Variants in ECT2L observed in about 807,000 individuals in gnomAD.
ECT2L encodes epithelial cell-transforming sequence 2 oncogene-like.
A neutral mutation model predicts 122.8 loss-of-function variants in ECT2L; 126 were observed. That is an observed-to-expected ratio of 1.03 (90% confidence interval 0.89 to 1.19). The LOEUF (loss-of-function observed/expected upper bound fraction) is 1.19, where lower values mean the gene tolerates loss of function less well. Among genes scored for constraint, ECT2L ranks in the 50% most tolerant of loss-of-function variants. The probability of loss-of-function intolerance (pLI) is 0.00; values close to 1 mark genes in which losing one functional copy is unlikely to be tolerated. For synonymous variants in ECT2L, 385 were observed against 381.8 expected (o/e 1.01, Z -0.10); for missense variants, 1,012 against 1,064.1 (o/e 0.95, Z 0.68).
chr6:138,860,709 T>A (rs796895455), intron 10 of ECT2L, among the ~76,000 whole-genome samples: 1 of 81,722 alleles, frequency 1.2e-5, no homozygotes, highest in Non-Finnish European at 3.6e-5. Context: ...AAGGGGCTAT[T>A]TTTTTTTTTT....
intron 20 of ECT2L, among the ~76,000 whole-genome samples, chr6:138,894,374 A>G (rs966053493): frequency 6.6e-6 from 1 of 152,216 alleles, no homozygotes; most frequent in African/African-American, 2.4e-5. Flanking sequence ...CAAGCTCTTT[A>G]CATGTGGACT....
chr6:138,808,590 T>C (rs1775786710), intron 1 of ECT2L, among the ~76,000 whole-genome samples: 1 of 152,204 alleles, frequency 6.6e-6, no homozygotes, highest in Non-Finnish European at 1.5e-5. Context: ...TTGATTTCTG[T>C]ACGTAAGCCT....
chr6:138,866,363 G>T (rs1778039136), intron 12 of ECT2L, among the ~76,000 whole-genome samples: 1 of 152,062 alleles, frequency 6.6e-6, no homozygotes, highest in African/African-American at 2.4e-5. Context: ...CTGTCACCCA[G>T]GCTGGGCCTC....
intron 10 of ECT2L, among the ~76,000 whole-genome samples, chr6:138,861,575 A>C (rs184809995): frequency 6.6e-6 from 1 of 150,796 alleles, no homozygotes; most frequent in African/African-American, 2.4e-5. Flanking sequence ...TTTGATGGGG[A>C]TTTTTTTTTC....
chr6:138,888,923 T>C lies in ECT2L; in HGVS notation c.2326-20T>C, dbSNP rs914574727. 1.8e-5 allele frequency: 24 copies of C among 1,350,956 alleles called. No individual in the cohort carries two copies. The highest frequency in any genetic ancestry group is 2.2e-5 in the Non-Finnish European group (22 of 1,017,190). The allele number at this position is 1,350,956 out of a possible 1,614,324, so 83.7% of individuals were successfully genotyped here. A position where few individuals can be genotyped will look rare whatever the true frequency, so the allele number is the denominator to read the frequency against. ...TAAAAAAATTTATATGTACTTCTAA[T>C]TTTGTTTTTGATTTTACAGACTCTA... On this transcript the variant is annotated intron_variant, in intron 19 of 21. Transcript: ENST00000541398.
At chr6:138,890,574 C>A (rs1778990232) in intron 20 of ECT2L, among the ~76,000 whole-genome samples, 1 of 132,278 alleles carries the variant, frequency 7.6e-6, no homozygotes, top group Non-Finnish European at 1.5e-5. Flanking sequence ...AGCTACCAAA[C>A]CAGCAATTCT....
intron 11 of ECT2L, among the ~76,000 whole-genome samples, chr6:138,863,036 TA>T (rs1483930763): frequency 6.6e-6 from 1 of 152,240 alleles, no homozygotes; most frequent in African/African-American, 2.4e-5. Flanking sequence ...CTTTTCTTAG[TA>T]ACATATATAT....
intron 5 of ECT2L, among the ~76,000 whole-genome samples, chr6:138,839,299 G>A (rs1776959582): frequency 6.6e-6 from 1 of 151,836 alleles, no homozygotes; most frequent in Admixed American, 6.6e-5. Context: ...CATTAATTCT[G>A]CCTCTGGCCT....
At chr6:138,836,099 A>G (rs534637897) in intron 4 of ECT2L, among the ~76,000 whole-genome samples, 3 of 152,230 alleles carry the variant, frequency 2.0e-5, no homozygotes, top group African/African-American at 7.2e-5. Context: ...GGGGCATAGC[A>G]TATCAATTTG....
intron 9 of ECT2L, among the ~76,000 whole-genome samples, chr6:138,853,711 CA>C (rs1285339214): frequency 1.3e-5 from 2 of 152,198 alleles, no homozygotes; most frequent in African/African-American, 4.8e-5. Flanking sequence ...AACTTGGTTG[CA>C]AAATCCCAGG....
rs1353171711 is a variant in ECT2L, at chr6:138,885,516, T to C, written c.2039T>C (p.Met680Thr). ...ATCCTCACCTTTTAGTGCAGAGAAA[T>C]GATACCAGCATTCCGAACTTTCCTG... is the stretch of plus-strand genomic sequence containing the variant. ...ILKTIEKCRE[M>T]IPAFRTFLKR... Residue 680 changes from methionine to threonine, a missense_variant, in exon 17 of 22, where the codon ATG becomes ACG. Met to Thr is a moderately conservative substitution (Grantham distance 81, BLOSUM62 -1). Coordinates refer to ENST00000541398, the MANE Select transcript of ECT2L (RefSeq NM_001077706.3). 1 of 1,614,162 alleles carries C rather than the reference T, an allele frequency of 6.2e-7. No individual in the cohort carries two copies. The highest frequency in any genetic ancestry group is 1.7e-5 in the Admixed American group (1 of 60,022).
chr6:138,837,049 C>A (rs1485561707), intron 4 of ECT2L, among the ~76,000 whole-genome samples: 2 of 152,014 alleles, frequency 1.3e-5, no homozygotes, highest in Non-Finnish European at 2.9e-5. Flanking sequence ...GTGTTCATTG[C>A]TTCTGGGATG....
intron 4 of ECT2L, among the ~76,000 whole-genome samples, chr6:138,824,581 C>CAAAA (rs1491037699): frequency 0.28 from 32,107 of 114,878 alleles, 3,766 homozygotes; most frequent in Admixed American, 0.34. Flanking sequence ...AAAACAAAAA[C>CAAAA]AAAAAAAACA....
At chr6:138,820,885 AGTT>A (rs1275911617) in intron 4 of ECT2L, among the ~76,000 whole-genome samples, 3 of 152,204 alleles carry the variant, frequency 2.0e-5, no homozygotes, top group Admixed American at 2.0e-4. Context: ...GAAAGTTCAC[AGTT>A]GTTAAGGGAT....
rs2128377464 is a variant in ECT2L at position 138,820,592 on chromosome 6, A to T, written c.179+5989A>T. Reference sequence around the variant, plus strand: ...ATGGTCCATAACAGTCCATTTATCTAGTAGTCACTTCTCTGGTCATCTCAA... The same window carrying T: ...ATGGTCCATAACAGTCCATTTATCTTGTAGTCACTTCTCTGGTCATCTCAA... On this transcript the variant is annotated intron_variant, in intron 4 of 21. Coordinates refer to ENST00000541398, the MANE Select transcript of ECT2L (RefSeq NM_001077706.3). Among the ~76,000 whole-genome samples, 2 of 152,306 alleles carry T rather than the reference A, an allele frequency of 1.3e-5. 1 individual carries two copies. The highest frequency in any genetic ancestry group is 4.1e-4 in the South Asian group (2 of 4,828).
chr6:138,847,835 T>G (rs1454812607), intron 8 of ECT2L, among the ~76,000 whole-genome samples: 2 of 152,180 alleles, frequency 1.3e-5, no homozygotes, highest in Non-Finnish European at 2.9e-5. Flanking sequence ...TGAACATTTG[T>G]GAGCGTGTGT....
intron 12 of ECT2L, among the ~76,000 whole-genome samples, chr6:138,866,411 C>A (rs553065197): frequency 6.6e-6 from 1 of 152,098 alleles, no homozygotes; most frequent in South Asian, 2.1e-4. Context: ...TCACCACGCC[C>A]GGCTAATTTT....
At chr6:138,822,063 G>C (rs1275823947) in intron 4 of ECT2L, among the ~76,000 whole-genome samples, 1 of 152,226 alleles carries the variant, frequency 6.6e-6, no homozygotes, top group Non-Finnish European at 1.5e-5. Flanking sequence ...TGGTAGCTTT[G>C]TTTACAAATT....
chr6:138,898,344 T>A (rs1390863077), intron 20 of ECT2L, among the ~76,000 whole-genome samples: 1 of 152,146 alleles, frequency 6.6e-6, no homozygotes, highest in African/African-American at 2.4e-5. Context: ...GAAGAAAATG[T>A]TTGAAAGAAA....
Sources: gnomAD v4.1 joint callset for allele counts (sites outside exome capture counted in the v4.1 genomes callset) on GRCh38, gnomAD v4.1.1 for gene constraint, MANE v1.5 for transcripts, NCBI Gene and HGNC (gene_info 2026-07-23, HGNC 2026-07-21) for gene names.